The following VPS53 variants were observed in gnomAD, a reference collection of about 807,000 sequenced individuals.
VPS53 encodes the protein vacuolar protein sorting-associated protein 53 homolog.
In VPS53, 70 loss-of-function variants were observed where a neutral mutation model predicts 107.0. That is an observed-to-expected ratio of 0.65 (90% CI 0.54 to 0.80). The LOEUF (loss-of-function observed/expected upper bound fraction) is 0.80, where lower values mean the gene tolerates loss of function less well. Among genes scored for constraint, VPS53 ranks in the 30% least tolerant of loss-of-function variants. The pLI is 0.00. For missense variants in VPS53, 917 were observed against 1,049.4 expected, an observed-to-expected ratio of 0.87 and a Z score of 1.74; for synonymous variants, 409 against 393.3, an observed-to-expected ratio of 1.04 and a Z score of -0.47.
At chr17:593,503 T>C (rs1330792910) in intron 12 of VPS53, among the ~76,000 whole-genome samples, 1 of 151,928 alleles carries the variant, frequency 6.6e-6, no homozygotes, top group Non-Finnish European at 1.5e-5. Flanking sequence ...GCAAAGGACA[T>C]GAACAGACAC....
At chr17:656,695 AAGAAATG>A in intron 5 of VPS53, 1 of 543,648 alleles carries the variant, frequency 1.8e-6, no homozygotes, top group Admixed American at 3.7e-5. Flanking sequence ...CATGCTGACT[AAGAAATG>A]TGTGTGTGTG....
chr17:637,630 T>C (rs560385492), intron 7 of VPS53, among the ~76,000 whole-genome samples: 4 of 152,350 alleles, frequency 2.6e-5, no homozygotes, highest in South Asian at 2.1e-4. Context: ...CTTGTTCTCA[T>C]TGGTTTCAAA....
intron 19 of VPS53, among the ~76,000 whole-genome samples, chr17:531,217 A>AG (rs766948080): frequency 3.3e-5 from 5 of 152,332 alleles, no homozygotes; most frequent in Non-Finnish European, 4.4e-5. Context: ...AGAATCGTTC[A>AG]GGGGCCACGT....
At chr17:566,602 T>A (rs1409328488) in intron 13 of VPS53, among the ~76,000 whole-genome samples, 1 of 151,988 alleles carries the variant, frequency 6.6e-6, no homozygotes, top group African/African-American at 2.4e-5. Context: ...TGGAGGCCGG[T>A]GCAGTGGAGG....
At chr17:589,020 T>G (rs1967489877) in intron 12 of VPS53, among the ~76,000 whole-genome samples, 1 of 152,150 alleles carries the variant, frequency 6.6e-6, no homozygotes, top group African/African-American at 2.4e-5. Context: ...TTGGAAAACA[T>G]GGCTACTACA....
chr17:683,729 G>A (rs1163128794), intron 4 of VPS53, among the ~76,000 whole-genome samples: 1 of 152,200 alleles, frequency 6.6e-6, no homozygotes, highest in East Asian at 1.9e-4. Context: ...TGGGTGTGGT[G>A]GCACACGCCA....
At chr17:565,958 C>A (rs1355684822) in intron 13 of VPS53, among the ~76,000 whole-genome samples, 1 of 152,156 alleles carries the variant, frequency 6.6e-6, no homozygotes, top group Non-Finnish European at 1.5e-5. Flanking sequence ...AATCCCAGCA[C>A]TTTGGGAGGC....
intron 4 of VPS53, among the ~76,000 whole-genome samples, chr17:690,253 C>T (rs558024354): frequency 5.3e-5 from 8 of 152,304 alleles, no homozygotes; most frequent in Non-Finnish European, 7.4e-5. Flanking sequence ...GAGACACACA[C>T]GGTCTGACAA....
chr17:514,939 G>C lies in VPS53; in HGVS notation c.*4189C>G, dbSNP rs909505173. On this transcript the variant is annotated 3_prime_UTR_variant, in exon 22 of 22. Coordinates refer to ENST00000437048, the MANE Select transcript of VPS53 (RefSeq NM_001128159.3). ...ATCCCTGAGCTGGGTTTGGAGATCA[G>C]AACACCTTGTCCATTGCGGCTCCTG... 2.0e-5 allele frequency: 3 copies of C among 152,244 alleles called. No homozygotes were observed. The highest frequency in any genetic ancestry group is 4.4e-5 in the Non-Finnish European group (3 of 68,062). 9.4% of individuals were successfully genotyped at this position (152,244 alleles called of 1,614,324 possible). A position where few individuals can be genotyped will look rare whatever the true frequency, so the allele number is the denominator to read the frequency against.
chr17:704,988 T>C (rs1383576984), intron 2 of VPS53, among the ~76,000 whole-genome samples: 1 of 152,126 alleles, frequency 6.6e-6, no homozygotes, highest in Non-Finnish European at 1.5e-5. Flanking sequence ...AAAAAGACAA[T>C]CACACAGTAT....
rs77010405 is a variant in VPS53, at chr17:565,697, C to G, written c.1314-2952G>C. 2.1e-3 allele frequency among the ~76,000 whole-genome samples: 315 copies of G among 151,986 alleles called. 9 individuals carry two copies. The East Asian group carries it at 0.055, about 26-fold the overall frequency. The stretch of plus-strand genomic sequence containing the variant: ...GCAACAGCTCCCCTGCTGGCCTACT[C>G]CCGGTCAGTGGGCCTCGCAACGGCT... On this transcript the variant is annotated intron_variant, in intron 13 of 21. Transcript: ENST00000437048.
intron 5 of VPS53, chr17:657,191 C>T: frequency 6.5e-7 from 1 of 1,526,828 alleles, no homozygotes; most frequent in Non-Finnish European, 9.0e-7. Flanking sequence ...CCTTTTGTGC[C>T]CACAAAGATT....
intron 1 of VPS53, among the ~76,000 whole-genome samples, chr17:712,323 G>T (rs1183871955): frequency 6.6e-6 from 1 of 151,150 alleles, no homozygotes; most frequent in Non-Finnish European, 1.5e-5. Context: ...GAGATTACGG[G>T]CACCTGCCAC....
At chr17:695,679 A>C (rs1032566188) in intron 4 of VPS53, among the ~76,000 whole-genome samples, 1 of 151,926 alleles carries the variant, frequency 6.6e-6, no homozygotes, top group Non-Finnish European at 1.5e-5. Context: ...CCTCCTCAGT[A>C]GCTGGGACTA....
chr17:573,743 G>A (rs542149515), intron 13 of VPS53, among the ~76,000 whole-genome samples: 22 of 152,286 alleles, frequency 1.4e-4, no homozygotes, highest in Admixed American at 3.9e-4. Context: ...CCTAGCAAGC[G>A]CGAAGCCTCA....
intron 4 of VPS53, among the ~76,000 whole-genome samples, chr17:695,001 G>A (rs1398085383): frequency 2.0e-5 from 3 of 152,164 alleles, no homozygotes; most frequent in Non-Finnish European, 2.9e-5. Context: ...CATTGTGCCT[G>A]GCTCAGTTGA....
intron 12 of VPS53, among the ~76,000 whole-genome samples, chr17:590,441 T>C (rs1173815937): frequency 6.6e-6 from 1 of 150,476 alleles, no homozygotes; most frequent in East Asian, 1.9e-4. Flanking sequence ...AGAGAGGGCA[T>C]CCCTGTCTTG....
chr17:526,668 C>T (rs537087893), intron 19 of VPS53, among the ~76,000 whole-genome samples: 1 of 152,336 alleles, frequency 6.6e-6, no homozygotes, highest in African/African-American at 2.4e-5. Context: ...TTCATTTCTG[C>T]CTCAGCGATA....
intron 7 of VPS53, among the ~76,000 whole-genome samples, chr17:647,802 T>G (rs973963822): frequency 6.6e-6 from 1 of 152,246 alleles, no homozygotes; most frequent in East Asian, 1.9e-4. Flanking sequence ...AAGATTTTCA[T>G]GAAAATCCAA....
Sources: allele counts gnomAD v4.1 joint callset (sites outside exome capture counted in the v4.1 genomes callset), GRCh38; gene constraint gnomAD v4.1.1; transcripts MANE v1.5; gene names NCBI Gene and HGNC (gene_info 2026-07-23, HGNC 2026-07-21).